IQCM: variants seen among roughly 807,000 people sequenced by gnomAD.
IQCM encodes the protein IQ motif containing M.
Under a neutral mutation model 57.6 loss-of-function variants are expected in IQCM, and 45 were observed. The ratio of observed to expected loss-of-function variants is 0.78; its 90% CI spans 0.62 to 1.00. The LOEUF (loss-of-function observed/expected upper bound fraction) is 1.00. Among genes scored for constraint, IQCM ranks in the 50% least tolerant of loss-of-function variants. The pLI is 0.00. For synonymous variants in IQCM, 148 were observed against 158.9 expected (o/e 0.93, Z 0.51); for missense variants, 468 against 511.6 (o/e 0.91, Z 0.82).
intron 6 of IQCM, among the ~76,000 whole-genome samples, chr4:149,684,666 A>T (rs1321523131): frequency 6.6e-6 from 1 of 151,208 alleles, no homozygotes; most frequent in South Asian, 2.1e-4. Flanking sequence ...TATGTGGTGA[A>T]CTCGATTTCA....
intron 8 of IQCM, among the ~76,000 whole-genome samples, chr4:149,588,338 A>T (rs1481894571): frequency 6.6e-6 from 1 of 151,884 alleles, no homozygotes; most frequent in Non-Finnish European, 1.5e-5. Flanking sequence ...TAAATACAGT[A>T]CATATGCAAA....
intron 2 of IQCM, among the ~76,000 whole-genome samples, chr4:149,771,767 G>T (rs891192389): frequency 2.6e-5 from 4 of 152,040 alleles, no homozygotes; most frequent in Non-Finnish European, 2.9e-5. Context: ...GAATAAGAAA[G>T]CATAAATTCT....
chr4:149,468,059 C>T (rs1241915239), intron 12 of IQCM, among the ~76,000 whole-genome samples: 1 of 152,144 alleles, frequency 6.6e-6, no homozygotes, highest in Non-Finnish European at 1.5e-5. Context: ...CTCCAGTCTG[C>T]AGCTCCCAGC....
chr4:149,733,976 C>T (rs771254675), intron 4 of IQCM, among the ~76,000 whole-genome samples: 8 of 152,204 alleles, frequency 5.3e-5, no homozygotes, highest in African/African-American at 1.9e-4. Context: ...ATGGAGGTAA[C>T]CTCTCAAAAA....
chr4:149,543,468 T>C (rs1332725287), intron 12 of IQCM, among the ~76,000 whole-genome samples: 2 of 151,828 alleles, frequency 1.3e-5, no homozygotes, highest in Non-Finnish European at 2.9e-5. Context: ...GTTTGGTTTT[T>C]TGTTCTTGCG....
At chr4:149,462,750 A>C (rs1437331424) in intron 12 of IQCM, among the ~76,000 whole-genome samples, 2 of 152,214 alleles carry the variant, frequency 1.3e-5, no homozygotes, top group African/African-American at 4.8e-5. Flanking sequence ...AATTGCATTC[A>C]ATTCTCAGAG....
rs1020760490 is a variant in IQCM, at chr4:149,636,388, C to G, written c.566-15144G>C. ...GTCTGCACTGACTCTCCTACTCTTACGTAGGGCTTCCACTGACTGGCAACA... is the reference window on the plus strand; with the variant it reads ...GTCTGCACTGACTCTCCTACTCTTAGGTAGGGCTTCCACTGACTGGCAACA... On this transcript the variant is annotated intron_variant, in intron 7 of 13. Coordinates refer to ENST00000636793, the MANE Select transcript of IQCM (RefSeq NM_001363507.2). Among the ~76,000 whole-genome samples, 3 of 152,170 alleles carry G rather than the reference C, an allele frequency of 2.0e-5. 1 individual carries two copies. The highest frequency in any genetic ancestry group is 3.9e-4 in the East Asian group (2 of 5,186).
At chr4:149,801,616 T>C (rs1454525204) in intron 2 of IQCM, among the ~76,000 whole-genome samples, 2 of 152,016 alleles carry the variant, frequency 1.3e-5, no homozygotes, top group East Asian at 3.8e-4. Context: ...GAGATCATTA[T>C]GTTAAATGAA....
chr4:149,791,083 G>A (rs1386489155), intron 2 of IQCM, among the ~76,000 whole-genome samples: 2 of 152,072 alleles, frequency 1.3e-5, no homozygotes, highest in African/African-American at 4.8e-5. Context: ...TAATTAAAAA[G>A]TAAAGCAATA....
At chr4:149,649,599 C>T (rs2150130971) in intron 7 of IQCM, among the ~76,000 whole-genome samples, 1 of 152,200 alleles carries the variant, frequency 6.6e-6, no homozygotes, top group Admixed American at 6.5e-5. Flanking sequence ...TTACCACCTA[C>T]CCATTAACTG....
chr4:149,486,953 T>A (rs1311737007), intron 12 of IQCM, among the ~76,000 whole-genome samples: 5 of 152,022 alleles, frequency 3.3e-5, no homozygotes, highest in Non-Finnish European at 5.9e-5. Flanking sequence ...GCACCTAAGG[T>A]ACAAGACAAA....
chr4:149,659,027 T>TA lies in IQCM; in HGVS notation c.565+23090dup, dbSNP rs570808625. The stretch of plus-strand genomic sequence containing the variant: ...TAGTATTATGTTAAAAAGAAGTGGT[T>TA]AAAAAAAAGGGTATCTTTTTTATTG... On this transcript the variant is annotated intron_variant, in intron 7 of 13. Coordinates refer to ENST00000636793, the MANE Select transcript of IQCM (RefSeq NM_001363507.2). Among the ~76,000 whole-genome samples the TA allele has an allele frequency of 1.8e-4, 27 of 151,822 alleles. 1 individual carries two copies. In the South Asian group the frequency reaches 4.4e-3, roughly 25 times the overall value.
chr4:149,440,085 T>C (rs922545773), intron 12 of IQCM, among the ~76,000 whole-genome samples: 2 of 149,330 alleles, frequency 1.3e-5, no homozygotes, highest in African/African-American at 4.9e-5. Context: ...GCCTCCCGAG[T>C]AGCTAGGATT....
intron 7 of IQCM, among the ~76,000 whole-genome samples, chr4:149,670,207 G>A (rs1484359255): frequency 6.6e-6 from 1 of 152,098 alleles, no homozygotes; most frequent in Non-Finnish European, 1.5e-5. Context: ...CTTGTAAGTT[G>A]GATTCCTAGG....
intron 12 of IQCM, among the ~76,000 whole-genome samples, chr4:149,474,712 T>C (rs1739991421): frequency 6.6e-6 from 1 of 151,462 alleles, no homozygotes; most frequent in Non-Finnish European, 1.5e-5. Context: ...AGTGAAACTG[T>C]CTCAAAAATA....
intron 13 of IQCM, among the ~76,000 whole-genome samples, chr4:149,383,737 T>C (rs778269187): frequency 2.4e-4 from 37 of 152,092 alleles, no homozygotes; most frequent in Admixed American, 9.8e-4. Context: ...GTGGATCACC[T>C]GAGGTCAGGA....
intron 13 of IQCM, among the ~76,000 whole-genome samples, chr4:149,376,336 C>T (rs1578846934): frequency 6.6e-6 from 1 of 152,110 alleles, no homozygotes; most frequent in East Asian, 1.9e-4. Flanking sequence ...ATATAAAACT[C>T]CTTACATGCC....
intron 9 of IQCM, among the ~76,000 whole-genome samples, chr4:149,567,656 A>G (rs931898964): frequency 1.3e-5 from 2 of 151,986 alleles, no homozygotes; most frequent in African/African-American, 4.8e-5. Flanking sequence ...CTCAAGTTGC[A>G]AATTAAAAAA....
At chr4:149,740,944 G>A (rs1767401372) in intron 3 of IQCM, among the ~76,000 whole-genome samples, 1 of 152,046 alleles carries the variant, frequency 6.6e-6, no homozygotes, top group Non-Finnish European at 1.5e-5. Context: ...TCAGTTCTAG[G>A]GTAAAGAGTT....
Sources: gnomAD v4.1 joint callset for allele counts (sites outside exome capture counted in the v4.1 genomes callset) on GRCh38, gnomAD v4.1.1 for gene constraint, MANE v1.5 for transcripts, NCBI Gene and HGNC (gene_info 2026-07-23, HGNC 2026-07-21) for gene names.